TLK1: variants seen among roughly 807,000 people sequenced by gnomAD.
TLK1 encodes tousled like kinase 1.
A neutral mutation model predicts 105.3 loss-of-function variants in TLK1; 24 were observed. The observed-to-expected ratio is 0.23, with a 90% CI of 0.17 to 0.32. TLK1 has a LOEUF of 0.32. Among genes scored for constraint, TLK1 ranks in the 10% least tolerant of loss-of-function variants. TLK1 has a pLI of 1.00. For missense variants in TLK1, 558 were observed against 910.5 expected (o/e 0.61, Z 4.98); for synonymous variants, 321 against 310.4 (o/e 1.03, Z -0.36).
chr2:171,057,199 G>A (rs1687542396), intron 5 of TLK1, among the ~76,000 whole-genome samples: 1 of 151,956 alleles, frequency 6.6e-6, no homozygotes, highest in South Asian at 2.1e-4. Context: ...ACGAAGGATG[G>A]GAAAAGAAAA....
chr2:171,074,626 CAAAAAAA>C (rs372844435), intron 3 of TLK1, among the ~76,000 whole-genome samples: 3 of 89,950 alleles, frequency 3.3e-5, no homozygotes, highest in Admixed American at 1.2e-4. Context: ...GACTCTGCCT[CAAAAAAA>C]AAAAAAAAAA....
chr2:171,172,623 G>A (rs945938067), intron 1 of TLK1, among the ~76,000 whole-genome samples: 1 of 152,106 alleles, frequency 6.6e-6, no homozygotes, highest in African/African-American at 2.4e-5. Context: ...GTGATAGTGA[G>A]TGGGTTCTCA....
upstream of TLK1, among the ~76,000 whole-genome samples, chr2:171,163,774 G>A (rs1029505438): frequency 6.6e-6 from 1 of 151,922 alleles, no homozygotes; most frequent in Non-Finnish European, 1.5e-5. Flanking sequence ...CACCCAGGCT[G>A]GAGTGCAGTG....
intron 8 of TLK1, among the ~76,000 whole-genome samples, chr2:171,053,397 T>C (rs1182294495): frequency 2.0e-5 from 3 of 151,996 alleles, no homozygotes; most frequent in Non-Finnish European, 2.9e-5. Context: ...AGAGTCTCAC[T>C]CTGTCGCCAG....
At chr2:171,187,501 T>TA (rs1428301035) in intron 1 of TLK1, among the ~76,000 whole-genome samples, 1 of 152,242 alleles carries the variant, frequency 6.6e-6, no homozygotes, top group African/African-American at 2.4e-5. Flanking sequence ...TAACTCTAGC[T>TA]ATTAATGAGC....
intron 1 of TLK1, among the ~76,000 whole-genome samples, chr2:171,153,078 C>G (rs1692105920): frequency 6.6e-6 from 1 of 152,106 alleles, no homozygotes; most frequent in Non-Finnish European, 1.5e-5. Context: ...GCCTGGAAGT[C>G]TGATTAGTAA....
In TLK1 at chr2:171,006,652, G is replaced by A. The variant is rs779205657; in HGVS notation, c.1599-9C>T. The A allele has an allele frequency of 6.8e-6, 11 of 1,611,576 alleles. No individual in the cohort carries two copies. Among genetic ancestry groups the A allele is most frequent in the South Asian group, 2.2e-5 (2 of 91,034 alleles). On this transcript the variant is annotated splice_polypyrimidine_tract_variant and intron_variant, in intron 16 of 20. Coordinates refer to ENST00000431350, the MANE Select transcript of TLK1 (RefSeq NM_012290.5). Reference sequence around the variant, plus strand: ...CTAACACTGTACAAAACCTACAACAGAGAAGAGAAAAAAATTAGACATAAG... The same window carrying A: ...CTAACACTGTACAAAACCTACAACAAAGAAGAGAAAAAAATTAGACATAAG...
rs1331622096 is a variant in TLK1, at chr2:171,160,005, G to T, written c.139+285C>A. On this transcript the variant is annotated intron_variant, in intron 1 of 20. Coordinates refer to ENST00000431350, the MANE Select transcript of TLK1 (RefSeq NM_012290.5). The surrounding 1 kb of genome is among the most constrained non-coding windows in gnomAD (Gnocchi z 4.4). ...TGGGGGGAGGCTTCCCACCCTCGCAGGACTGGCTCCCAGGAACCCCAGGCG... is the reference window on the plus strand; with the variant it reads ...TGGGGGGAGGCTTCCCACCCTCGCATGACTGGCTCCCAGGAACCCCAGGCG... 6.6e-6 allele frequency among the ~76,000 whole-genome samples: 1 copy of T among 152,142 alleles called. No individual in the cohort carries two copies. The highest frequency in any genetic ancestry group is 6.5e-5 in the Admixed American group (1 of 15,286).
rs1269391031 is a variant in TLK1, at chr2:171,160,740, T to G, written c.-312A>C. 1.4e-5 allele frequency: 6 copies of G among 427,986 alleles called. No individual in the cohort carries two copies. The highest frequency in any genetic ancestry group is 2.3e-5 in the African/African-American group (1 of 44,156). 26.5% of individuals were successfully genotyped at this position (427,986 alleles called of 1,614,324 possible). The stretch of plus-strand genomic sequence containing the variant: ...CGAGGGGGTGCCAGCCGGGCCGGGG[T>G]CGGAGCGCGGGCGGAGCGCGGGCTG... On this transcript the variant is annotated 5_prime_UTR_variant, in exon 1 of 21. Transcript: ENST00000431350. The surrounding 1 kb of genome is among the most constrained non-coding windows in gnomAD (Gnocchi z 4.4).
At chr2:171,006,940 A>AT in intron 15 of TLK1, 32 bp downstream of exon 15, 1 of 1,603,972 alleles carries the variant, frequency 6.2e-7, no homozygotes, top group Non-Finnish European at 8.5e-7. Flanking sequence ...AAAATATTCA[A>AT]TTTTAAAAAA....
At chr2:171,067,671 G>C (rs1382189948) in intron 3 of TLK1, among the ~76,000 whole-genome samples, 4 of 151,984 alleles carry the variant, frequency 2.6e-5, no homozygotes, top group African/African-American at 7.3e-5. Context: ...GTACAAGTTT[G>C]TTACATAGGT....
chr2:171,188,501 C>T (rs181810341), intron 1 of TLK1, among the ~76,000 whole-genome samples: 4 of 152,178 alleles, frequency 2.6e-5, no homozygotes, highest in African/African-American at 4.8e-5. Context: ...GTCAGGAGTT[C>T]GAGACAAGTC....
At chr2:171,093,140 G>C (rs1268284962) in intron 2 of TLK1, among the ~76,000 whole-genome samples, 1 of 152,130 alleles carries the variant, frequency 6.6e-6, no homozygotes, top group Non-Finnish European at 1.5e-5. Flanking sequence ...TATAATAAAA[G>C]GATTTCATTC....
chr2:171,156,613 C>T (rs1404446214), intron 1 of TLK1, among the ~76,000 whole-genome samples: 1 of 152,212 alleles, frequency 6.6e-6, no homozygotes, highest in African/African-American at 2.4e-5. Flanking sequence ...AAGGAGACAT[C>T]TGTCACATAT....
At chr2:171,043,910 G>T (rs1249433016) in intron 11 of TLK1, among the ~76,000 whole-genome samples, 1 of 152,038 alleles carries the variant, frequency 6.6e-6, no homozygotes, top group Non-Finnish European at 1.5e-5. Flanking sequence ...CACCCACCAA[G>T]CCAGTCATTC....
At chr2:171,071,730 T>C (rs550840567) in intron 3 of TLK1, among the ~76,000 whole-genome samples, 3 of 152,222 alleles carry the variant, frequency 2.0e-5, no homozygotes, top group Non-Finnish European at 4.4e-5. Context: ...ATTTCAGTCT[T>C]TAACCCATTT....
chr2:171,054,189 T>C (rs538651969), intron 7 of TLK1: 9 of 169,854 alleles, frequency 5.3e-5, no homozygotes, highest in Middle Eastern at 2.6e-3. Flanking sequence ...ACCTATCTAT[T>C]TATGGTACAC....
rs1316544087 is a variant in TLK1, at chr2:171,160,476, G to C, written c.-48C>G. On this transcript the variant is annotated 5_prime_UTR_variant, in exon 1 of 21. Transcript: ENST00000431350. The surrounding 1 kb of genome is among the most constrained non-coding windows in gnomAD (Gnocchi z 4.4). The stretch of plus-strand genomic sequence containing the variant: ...ACTCCCCCCCTGCGACGGCAGCGGC[G>C]GCAACGGCACCGGCACCCGCCTCCG... 1 of 1,572,148 alleles carries C rather than the reference G, an allele frequency of 6.4e-7. No individual in the cohort carries two copies. Among genetic ancestry groups the C allele is most frequent in the East Asian group, 2.5e-5 (1 of 39,330 alleles).
At chr2:171,132,382 G>C (rs1167648070) in intron 1 of TLK1, among the ~76,000 whole-genome samples, 2 of 151,934 alleles carry the variant, frequency 1.3e-5, no homozygotes, top group Non-Finnish European at 2.9e-5. Context: ...GATGAGATTT[G>C]GATGGCGACA....
Sources: gnomAD v4.1 joint callset for allele counts (sites outside exome capture counted in the v4.1 genomes callset) on GRCh38, gnomAD v4.1.1 for gene constraint, Gnocchi (gnomAD v3.1) non-coding constraint, MANE v1.5 for transcripts, NCBI Gene and HGNC (gene_info 2026-07-23, HGNC 2026-07-21) for gene names.